TMCC1: variants seen among roughly 807,000 people sequenced by gnomAD.
The protein encoded by TMCC1 is transmembrane and coiled-coil domain family 1, also known as transmembrane and coiled-coil domains protein 1.
A neutral mutation model predicts 52.4 loss-of-function variants in TMCC1; 15 were observed. The observed-to-expected ratio is 0.29, with a 90% CI of 0.19 to 0.44. TMCC1 has a LOEUF of 0.44. Among genes scored for constraint, TMCC1 ranks in the 20% least tolerant of loss-of-function variants. TMCC1 has a pLI of 1.00. For missense variants in TMCC1, 503 were observed against 806.0 expected, an observed-to-expected ratio of 0.62 and a Z score of 4.55; for synonymous variants, 279 against 301.9, an observed-to-expected ratio of 0.92 and a Z score of 0.79.
intron 2 of TMCC1, among the ~76,000 whole-genome samples, chr3:129,840,153 C>A (rs1431144658): frequency 6.6e-6 from 1 of 151,280 alleles, no homozygotes; most frequent in African/African-American, 2.4e-5. Flanking sequence ...CATGGTGAAA[C>A]CCTTTCTCTA....
chr3:129,791,386 C>T (rs78419100), intron 4 of TMCC1, among the ~76,000 whole-genome samples: 2,357 of 152,200 alleles, frequency 0.015, 47 homozygotes, highest in African/African-American at 0.055. Flanking sequence ...AGTCACCGCA[C>T]CCGGCCAGAC....
intron 4 of TMCC1, among the ~76,000 whole-genome samples, chr3:129,785,740 T>C (rs757102381): frequency 5.3e-5 from 8 of 152,124 alleles, no homozygotes; most frequent in African/African-American, 1.2e-4. Context: ...CATATATTAA[T>C]TGATAATATT....
intron 4 of TMCC1, among the ~76,000 whole-genome samples, chr3:129,751,484 T>C (rs754039720): frequency 6.6e-6 from 1 of 150,924 alleles, no homozygotes; most frequent in Non-Finnish European, 1.5e-5. Context: ...GAGCCATGAT[T>C]GCACCACTGC....
chr3:129,807,564 A>T (rs981758191), intron 4 of TMCC1, among the ~76,000 whole-genome samples: 3 of 152,112 alleles, frequency 2.0e-5, no homozygotes, highest in African/African-American at 4.8e-5. Context: ...TCATTGTACA[A>T]CTTCAGGACA....
In TMCC1 at chr3:129,724,374, A is replaced by G. The variant is rs2049910663; in HGVS notation, c.577-53110T>C. On this transcript the variant is annotated intron_variant, in intron 4 of 6. Coordinates refer to ENST00000393238, the MANE Select transcript of TMCC1 (RefSeq NM_001017395.5). ...TTGTGTCTGGAGGAAATAATCAGGA[A>G]GAAGAAAACTGGAAGAATCATTAGT... is the stretch of plus-strand genomic sequence containing the variant. 2.0e-5 allele frequency among the ~76,000 whole-genome samples: 3 copies of G among 152,348 alleles called. No homozygotes were observed. The South Asian group carries it at 6.2e-4, about 32-fold the overall frequency.
intron 4 of TMCC1, among the ~76,000 whole-genome samples, chr3:129,739,027 G>C (rs2051229819): frequency 6.6e-6 from 1 of 152,066 alleles, no homozygotes; most frequent in Admixed American, 6.6e-5. Context: ...ATGTTGCCCA[G>C]GCTGGTCTCA....
intron 2 of TMCC1, among the ~76,000 whole-genome samples, chr3:129,861,418 G>C (rs774790519): frequency 3.3e-4 from 50 of 152,180 alleles, no homozygotes; most frequent in Admixed American, 7.9e-4. Flanking sequence ...CCAGCCTGGC[G>C]ACAGAGCAAG....
intron 2 of TMCC1, among the ~76,000 whole-genome samples, chr3:129,835,657 T>A (rs2059126619): frequency 6.6e-6 from 1 of 152,156 alleles, no homozygotes; most frequent in Admixed American, 6.6e-5. Flanking sequence ...TGTATTTATT[T>A]AAAAAATCCA....
At chr3:129,721,607 T>C (rs1309706471) in intron 4 of TMCC1, among the ~76,000 whole-genome samples, 1 of 148,414 alleles carries the variant, frequency 6.7e-6, no homozygotes, top group Non-Finnish European at 1.5e-5. Flanking sequence ...ATGTCTATAA[T>C]CCCAGCACTT....
rs575393156 is a variant in TMCC1 at position 129,830,541 on chromosome 3, T to G, written c.-130-2033A>C. Among the ~76,000 whole-genome samples, 12 of 152,322 alleles carry G rather than the reference T, an allele frequency of 7.9e-5. No individual in the cohort carries two copies. The South Asian group carries it at 2.1e-3, about 26-fold the overall frequency. On this transcript the variant is annotated intron_variant, in intron 3 of 6. Transcript: ENST00000393238. ...CAACTCATCTCTTCTTGCACTGGGC[T>G]ATTTAGATCCTGAGAAGATGGGAGG... is the stretch of plus-strand genomic sequence containing the variant.
intron 2 of TMCC1, among the ~76,000 whole-genome samples, chr3:129,839,653 G>C (rs888961561): frequency 1.3e-5 from 2 of 152,130 alleles, no homozygotes; most frequent in Non-Finnish European, 2.9e-5. Flanking sequence ...CTACTCAAGA[G>C]GTAGGAGGAT....
At chr3:129,830,589 C>G (rs1185958751) in intron 3 of TMCC1, among the ~76,000 whole-genome samples, 2 of 152,140 alleles carry the variant, frequency 1.3e-5, no homozygotes, top group Non-Finnish European at 2.9e-5. Context: ...CAGAACAGTA[C>G]TGAAAAAGTA....
Position 129,671,035 on chromosome 3 carries a change from G to A in TMCC1, c.806C>T (p.Ala269Val). ...VAEYLKLANS[A>V]DKQQAARIKQ... ...GATGCGGGCAGCCTGCTGTTTGTCT[G>A]CACTGTTGGCAAGCTTCAAGTATTC... Residue 269 changes from alanine (A) to valine (V), a missense_variant, in exon 5 of 7, where the codon GCA (alanine) becomes GTA (valine). Coordinates refer to ENST00000393238, the MANE Select transcript of TMCC1 (RefSeq NM_001017395.5). The A allele has an allele frequency of 6.2e-7, 1 of 1,614,192 alleles. No homozygotes were observed. Among genetic ancestry groups the A allele is most frequent in the Middle Eastern group, 1.6e-4 (1 of 6,062 alleles).
chr3:129,755,113 G>A (rs891659808), intron 4 of TMCC1, among the ~76,000 whole-genome samples: 1 of 151,866 alleles, frequency 6.6e-6, no homozygotes, highest in Non-Finnish European at 1.5e-5. Context: ...TTGGCAATAA[G>A]GTTTTAGATA....
intron 2 of TMCC1, among the ~76,000 whole-genome samples, chr3:129,841,380 A>C (rs1286092888): frequency 1.3e-5 from 2 of 152,194 alleles, no homozygotes; most frequent in African/African-American, 4.8e-5. Flanking sequence ...TGACGTCAGA[A>C]GTTCGAGACC....
At chr3:129,700,533 A>G (rs1320760219) in intron 4 of TMCC1, among the ~76,000 whole-genome samples, 1 of 152,042 alleles carries the variant, frequency 6.6e-6, no homozygotes, top group East Asian at 1.9e-4. Context: ...CTGGAGTGCA[A>G]TGGTGCAATC....
intron 4 of TMCC1, among the ~76,000 whole-genome samples, chr3:129,775,320 C>T (rs78489315): frequency 0.015 from 2,333 of 152,034 alleles, 46 homozygotes; most frequent in African/African-American, 0.054. Context: ...TTTAATTAGC[C>T]AGGTGTGGTG....
At chr3:129,670,024 T>A (rs1001224313) in intron 5 of TMCC1, among the ~76,000 whole-genome samples, 1 of 152,244 alleles carries the variant, frequency 6.6e-6, no homozygotes, top group African/African-American at 2.4e-5. Context: ...TTCTAAGAAT[T>A]ACAGATCTTT....
intron 4 of TMCC1, among the ~76,000 whole-genome samples, chr3:129,805,693 GA>G (rs1387568547): frequency 3.3e-5 from 5 of 152,076 alleles, no homozygotes; most frequent in African/African-American, 1.2e-4. Flanking sequence ...AATACTTTGG[GA>G]GGCTGAGGCA....
Sources: allele counts gnomAD v4.1 joint callset (sites outside exome capture counted in the v4.1 genomes callset), GRCh38; gene constraint gnomAD v4.1.1; transcripts MANE v1.5; gene names NCBI Gene and HGNC (gene_info 2026-07-23, HGNC 2026-07-21).